The following PARP8 variants were observed in gnomAD, a reference collection of about 807,000 sequenced individuals.
The protein encoded by PARP8 is protein mono-ADP-ribosyltransferase PARP8.
Under a neutral mutation model 124.1 loss-of-function variants are expected in PARP8, and 51 were observed. The observed-to-expected ratio is 0.41, with a 90% CI of 0.33 to 0.52. PARP8 has a LOEUF of 0.52. Ranked by LOEUF, PARP8 falls within the 20% of genes least tolerant of loss-of-function variation. The probability of loss-of-function intolerance (pLI) is 0.21; values close to 1 mark genes in which losing one functional copy is unlikely to be tolerated. For missense variants in PARP8, 860 were observed against 1,018.9 expected, an observed-to-expected ratio of 0.84 and a Z score of 2.12; for synonymous variants, 391 against 361.5, an observed-to-expected ratio of 1.08 and a Z score of -0.93.
At chr5:50,782,293 C>A (rs542207664) in intron 9 of PARP8, among the ~76,000 whole-genome samples, 1 of 152,276 alleles carries the variant, frequency 6.6e-6, no homozygotes, top group South Asian at 2.1e-4. Flanking sequence ...AGTTTCTGGT[C>A]TTTTCACTGG....
intron 12 of PARP8, among the ~76,000 whole-genome samples, chr5:50,796,297 T>C (rs1242390175): frequency 6.6e-6 from 1 of 152,214 alleles, no homozygotes; most frequent in Non-Finnish European, 1.5e-5. Flanking sequence ...AGTAATGTTA[T>C]TCTTATATAG....
intron 2 of PARP8, among the ~76,000 whole-genome samples, chr5:50,678,504 TA>T: frequency 6.6e-6 from 1 of 152,306 alleles, no homozygotes; most frequent in South Asian, 2.1e-4. Context: ...ACAATTGCTA[TA>T]AATGTATCTT....
At chr5:50,778,466 T>G in intron 8 of PARP8, 94 bp from the exon 9 acceptor site, 1 of 1,040,070 alleles carries the variant, frequency 9.6e-7, no homozygotes, top group Non-Finnish European at 1.4e-6. Flanking sequence ...GTTATATGCA[T>G]TTTGCGAACA....
In PARP8 at chr5:50,843,683, A is replaced by G. The variant is rs1748396397; in HGVS notation, c.*1615A>G. 1.3e-5 allele frequency: 2 copies of G among 151,770 alleles called. No homozygotes were observed. Among genetic ancestry groups the G allele is most frequent in the Admixed American group, 6.6e-5 (1 of 15,178 alleles). 9.4% of individuals were successfully genotyped at this position (151,770 alleles called of 1,614,324 possible). On this transcript the variant is annotated 3_prime_UTR_variant, in exon 26 of 26. Transcript: ENST00000281631. Reference sequence around the variant, plus strand: ...GGCTGAGGGATAATAGTAGTGGAGTAGGGCAAAGATATAATATCCTATCCA... The same window carrying G: ...GGCTGAGGGATAATAGTAGTGGAGTGGGGCAAAGATATAATATCCTATCCA...
chr5:50,692,699 C>A (rs1579977199), intron 2 of PARP8, among the ~76,000 whole-genome samples: 1 of 152,020 alleles, frequency 6.6e-6, no homozygotes, highest in African/African-American at 2.4e-5. Context: ...AAAAATAATA[C>A]TTTTTTTCCC....
At chr5:50,754,628 G>A (rs1278291701) in intron 3 of PARP8, among the ~76,000 whole-genome samples, 2 of 152,150 alleles carry the variant, frequency 1.3e-5, no homozygotes, top group Admixed American at 6.6e-5. Flanking sequence ...ATTGTGAATA[G>A]TGCTGCAATA....
chr5:50,747,423 G>C (rs891995611), intron 2 of PARP8, among the ~76,000 whole-genome samples: 2 of 151,570 alleles, frequency 1.3e-5, no homozygotes, highest in African/African-American at 4.8e-5. Context: ...ATGAAAATCA[G>C]TTTCAAATAT....
At position 50,666,931 on chromosome 5, in the gene PARP8, C is replaced by G; in HGVS notation, c.-165C>G. 7.1e-7 allele frequency: 1 copy of G among 1,416,456 alleles called. No individual in the cohort carries two copies. The highest frequency in any genetic ancestry group is 9.2e-7 in the Non-Finnish European group (1 of 1,086,988). 87.7% of individuals were successfully genotyped at this position (1,416,456 alleles called of 1,614,324 possible). ...TCCTCCTCCTCCTCCCCCTCCTCCT[C>G]CTCCTCTTCTCTCACCCAGGATCAC... On this transcript the variant is annotated 5_prime_UTR_variant, in exon 1 of 26. Transcript: ENST00000281631.
rs1288269536 is a variant in PARP8, at chr5:50,844,110, C to G, written c.*2042C>G. The G allele has an allele frequency of 6.6e-6, 1 of 151,732 alleles. No individual in the cohort carries two copies. The highest frequency in any genetic ancestry group is 1.5e-5 in the Non-Finnish European group (1 of 67,796). The allele number at this position is 151,732 out of a possible 1,614,324, so 9.4% of individuals were successfully genotyped here. ...GTAACTCGTAAGACTCAAGAAAGACCGTTTAAGGAAAATTGGCATAATACA... is the reference window on the plus strand; with the variant it reads ...GTAACTCGTAAGACTCAAGAAAGACGGTTTAAGGAAAATTGGCATAATACA... On this transcript the variant is annotated 3_prime_UTR_variant, in exon 26 of 26. Coordinates refer to ENST00000281631, the MANE Select transcript of PARP8 (RefSeq NM_024615.4).
chr5:50,691,577 A>G (rs898948686), intron 2 of PARP8, among the ~76,000 whole-genome samples: 1 of 152,080 alleles, frequency 6.6e-6, no homozygotes, highest in Non-Finnish European at 1.5e-5. Context: ...CCCACTCCAT[A>G]CATCCGGAAA....
At chr5:50,805,649 T>A (rs1743750122) in intron 14 of PARP8, among the ~76,000 whole-genome samples, 1 of 152,046 alleles carries the variant, frequency 6.6e-6, no homozygotes, top group Non-Finnish European at 1.5e-5. Context: ...AACACAAAAC[T>A]TGGAAAGCAA....
intron 1 of PARP8, 76 bp downstream of exon 1, chr5:50,667,262 G>A: frequency 1.4e-6 from 2 of 1,450,918 alleles, no homozygotes; most frequent in Non-Finnish European, 1.9e-6. Flanking sequence ...CTGTGGCTGG[G>A]GGTGGGGTGG....
chr5:50,692,626 C>G (rs1322007261), intron 2 of PARP8, among the ~76,000 whole-genome samples: 2 of 151,998 alleles, frequency 1.3e-5, no homozygotes, highest in Admixed American at 1.3e-4. Flanking sequence ...ATTTAGACAA[C>G]CCTACCTGTG....
At chr5:50,832,662 C>A in intron 22 of PARP8, 119 bp from the exon 23 acceptor site, 1 of 943,136 alleles carries the variant, frequency 1.1e-6, no homozygotes. Context: ...TTGTTACTGT[C>A]TCTAGCCTAA....
chr5:50,815,217 T>C (rs944460023), intron 14 of PARP8, among the ~76,000 whole-genome samples: 5 of 152,168 alleles, frequency 3.3e-5, no homozygotes, highest in African/African-American at 1.2e-4. Flanking sequence ...GAAAAGGATC[T>C]TTTTTATAAT....
intron 2 of PARP8, among the ~76,000 whole-genome samples, chr5:50,670,948 A>G (rs1235111635): frequency 6.6e-6 from 1 of 152,232 alleles, no homozygotes; most frequent in Non-Finnish European, 1.5e-5. Context: ...ATATACGGTA[A>G]GATTAATTTA....
At chr5:50,761,773 G>C in intron 5 of PARP8, 48 bp from the exon 6 acceptor site, 1 of 1,234,820 alleles carries the variant, frequency 8.1e-7, no homozygotes, top group South Asian at 1.3e-5. Flanking sequence ...TTTTAGAAAG[G>C]TAAAATAATT....
At chr5:50,782,299 A>C (rs1485991770) in intron 9 of PARP8, among the ~76,000 whole-genome samples, 1 of 152,038 alleles carries the variant, frequency 6.6e-6, no homozygotes, top group East Asian at 1.9e-4. Context: ...TGGTCTTTTC[A>C]CTGGTTTTCT....
chr5:50,669,391 T>C (rs1014218055), intron 2 of PARP8: 1 of 152,268 alleles, frequency 6.6e-6, no homozygotes, highest in African/African-American at 2.4e-5. Context: ...CCTCTTGGAT[T>C]ATTTTAACAG....
Sources: allele counts gnomAD v4.1 joint callset (sites outside exome capture counted in the v4.1 genomes callset), GRCh38; gene constraint gnomAD v4.1.1; transcripts MANE v1.5; gene names NCBI Gene and HGNC (gene_info 2026-07-23, HGNC 2026-07-21).